IQCH: variants seen among roughly 807,000 people sequenced by gnomAD.
The protein encoded by IQCH is IQ motif containing H.
A neutral mutation model predicts 117.0 loss-of-function variants in IQCH; 98 were observed. The observed-to-expected ratio is 0.84, with a 90% CI of 0.71 to 0.99. The LOEUF is 0.99. IQCH is among the 50% of genes least tolerant of loss of function. The pLI, the probability that IQCH is intolerant of heterozygous loss-of-function variation, is 0.00. For synonymous variants in IQCH, 412 were observed against 448.2 expected, an observed-to-expected ratio of 0.92 and a Z score of 1.02; for missense variants, 1,102 against 1,243.8, an observed-to-expected ratio of 0.89 and a Z score of 1.72.
In IQCH at chr15:67,336,977, A is replaced by G; in HGVS notation, c.390A>G (p.Ile130Met). Residue 130 changes from isoleucine (I) to methionine (M), a missense_variant and splice_region_variant, in exon 5 of 21, where the codon ATA becomes ATG. This residue lies in a region of IQCH where 452 missense variants were observed against 449.6 expected (regional missense o/e 1.01). Coordinates refer to ENST00000335894, the MANE Select transcript of IQCH (RefSeq NM_001031715.3). ...SSLPVFPRAK[I>M]KVSKLIKGSN... Reference sequence around the variant, plus strand: ...GAAACAAATTTTTTATTATCTAGATAAAGGTTTCGAAGTTAATCAAAGGGT... The same window carrying G: ...GAAACAAATTTTTTATTATCTAGATGAAGGTTTCGAAGTTAATCAAAGGGT... 1 of 1,613,348 alleles carries G rather than the reference A, an allele frequency of 6.2e-7. No homozygotes were observed. The highest frequency in any genetic ancestry group is 1.3e-5 in the African/African-American group (1 of 75,008).
rs563391343 is a variant in IQCH at position 67,365,033 on chromosome 15, C to T, written c.753+5148C>T. 2.6e-5 allele frequency among the ~76,000 whole-genome samples: 4 copies of T among 152,280 alleles called. No homozygotes were observed. The highest frequency in any genetic ancestry group is 4.1e-4 in the South Asian group (2 of 4,832). ...GTGGCTCACTGCAGCCTTGACCTGC[C>T]GGGGCTCAAGCAGTCCTCCCACCTC... is the stretch of plus-strand genomic sequence containing the variant. On this transcript the variant is annotated intron_variant, in intron 8 of 20. Coordinates refer to ENST00000335894, the MANE Select transcript of IQCH (RefSeq NM_001031715.3). The surrounding 1 kb of genome is among the most constrained non-coding windows in gnomAD (Gnocchi z 4.4).
chr15:67,423,138 A>G (rs12148151), intron 16 of IQCH, among the ~76,000 whole-genome samples: 23,493 of 152,176 alleles, frequency 0.15, 1,875 homozygotes, highest in East Asian at 0.21. Flanking sequence ...GAGGGAAAAG[A>G]ACAAACTGAA....
chr15:67,334,716 G>C (rs895344265), intron 4 of IQCH, among the ~76,000 whole-genome samples: 9 of 152,176 alleles, frequency 5.9e-5, no homozygotes, highest in Admixed American at 5.9e-4. Context: ...CTCCCTGAGC[G>C]ATTCTAATAT....
At chr15:67,343,517 C>T (rs1158918345) in intron 5 of IQCH, among the ~76,000 whole-genome samples, 1 of 152,204 alleles carries the variant, frequency 6.6e-6, no homozygotes, top group Non-Finnish European at 1.5e-5. Flanking sequence ...TACATTAATA[C>T]TAACCATTTT....
At chr15:67,294,028 A>G (rs1966839224) in intron 4 of IQCH, among the ~76,000 whole-genome samples, 1 of 152,202 alleles carries the variant, frequency 6.6e-6, no homozygotes. Context: ...ATGGTATAAT[A>G]GAGTTTTGGA....
chr15:67,362,146 A>AC (rs1481039610), intron 8 of IQCH, among the ~76,000 whole-genome samples: 4 of 33,570 alleles, frequency 1.2e-4, no homozygotes, highest in Non-Finnish European at 1.9e-4. Flanking sequence ...ATATACGCAC[A>AC]CACCACACAC....
intron 7 of IQCH, among the ~76,000 whole-genome samples, chr15:67,358,198 C>CTTTTTTTTTTTT (rs1190464651): frequency 1.8e-4 from 1 of 5,458 alleles, no homozygotes; most frequent in African/African-American, 5.7e-4. Context: ...TCATGAGGCA[C>CTTTTTTTTTTTT]TTTCTTTTCT....
intron 4 of IQCH, among the ~76,000 whole-genome samples, chr15:67,318,990 G>A (rs2140587520): frequency 6.6e-6 from 1 of 152,324 alleles, no homozygotes; most frequent in South Asian, 2.1e-4. Flanking sequence ...ACTTTGGGAG[G>A]CCGAGGCAGG....
Position 67,386,612 on chromosome 15 carries a change from C to T in IQCH, c.1456+1593C>T, listed in dbSNP as rs185893900. Reference sequence around the variant, plus strand: ...ATCCCCTATGGTTTTTCTTCTTATTCGGGGGAAACAAAGATAATCCAGTCA... The same window carrying T: ...ATCCCCTATGGTTTTTCTTCTTATTTGGGGGAAACAAAGATAATCCAGTCA... On this transcript the variant is annotated intron_variant, in intron 11 of 20. Transcript: ENST00000335894. The surrounding 1 kb of genome is among the most constrained non-coding windows in gnomAD (Gnocchi z 5.0). Among the ~76,000 whole-genome samples the T allele has an allele frequency of 2.6e-5, 4 of 151,772 alleles. No homozygotes were observed. Among genetic ancestry groups the T allele is most frequent in the Admixed American group, 6.6e-5 (1 of 15,236 alleles).
chr15:67,297,613 T>G lies in IQCH; in HGVS notation c.387+18101T>G, dbSNP rs1966861920. Among the ~76,000 whole-genome samples the G allele has an allele frequency of 2.0e-5, 3 of 152,122 alleles. No individual in the cohort carries two copies. The South Asian group carries it at 6.2e-4, about 31-fold the overall frequency. On this transcript the variant is annotated intron_variant, in intron 4 of 20. Coordinates refer to ENST00000335894, the MANE Select transcript of IQCH (RefSeq NM_001031715.3). ...CATCATGCCGAAAACTTAACAACAA[T>G]TCACTAATATTGTATAATTCCCAGT...
At position 67,400,240 on chromosome 15, in the gene IQCH, T is replaced by TACAA. The variant is rs754080775; in HGVS notation, c.2034_2037dup (p.Trp680GlnfsTer8). The TACAA allele has an allele frequency of 1.2e-6, 2 of 1,613,572 alleles. No individual in the cohort carries two copies. The highest frequency in any genetic ancestry group is 2.7e-5 in the African/African-American group (2 of 74,878). On this transcript the variant is annotated frameshift_variant, in exon 14 of 21. Transcript: ENST00000335894. LOFTEE classifies it high-confidence loss of function. ...TGATATTCCTTCCTACCTAAAGTGC[T>TACAA]ACAAATGGGTGCTAAAGGAGAGTAG...
At chr15:67,345,195 T>C (rs544556149) in intron 6 of IQCH, among the ~76,000 whole-genome samples, 96 of 152,300 alleles carry the variant, frequency 6.3e-4, no homozygotes, top group African/African-American at 2.1e-3. Flanking sequence ...TTCACCGTGT[T>C]GGCCAGGCTG....
intron 3 of IQCH, among the ~76,000 whole-genome samples, chr15:67,278,782 T>C (rs1230112891): frequency 6.6e-6 from 1 of 152,196 alleles, no homozygotes; most frequent in African/African-American, 2.4e-5. Flanking sequence ...TTAGTCCTAA[T>C]TATATTGATA....
At chr15:67,367,369 T>G (rs1970370047) in intron 8 of IQCH, among the ~76,000 whole-genome samples, 1 of 151,900 alleles carries the variant, frequency 6.6e-6, no homozygotes, top group Non-Finnish European at 1.5e-5. Flanking sequence ...GACCCTTATC[T>G]CTACAAAAAA....
intron 5 of IQCH, among the ~76,000 whole-genome samples, chr15:67,340,145 T>C (rs1170455271): frequency 1.3e-5 from 2 of 151,972 alleles, no homozygotes; most frequent in Admixed American, 1.3e-4. Flanking sequence ...AAGTGACTCG[T>C]CGGCCAGCAC....
At chr15:67,265,748 C>T (rs563038772) in intron 3 of IQCH, among the ~76,000 whole-genome samples, 1 of 152,316 alleles carries the variant, frequency 6.6e-6, no homozygotes, top group South Asian at 2.1e-4. Context: ...TGGTTCTGCA[C>T]TTGCCCCAAG....
chr15:67,352,742 A>G (rs1368650746), intron 6 of IQCH, among the ~76,000 whole-genome samples: 2 of 152,006 alleles, frequency 1.3e-5, no homozygotes, highest in Admixed American at 6.6e-5. Context: ...TTTGTGTTCT[A>G]CAGGTTCATT....
At chr15:67,374,929 C>G (rs1307199764) in intron 10 of IQCH, among the ~76,000 whole-genome samples, 2 of 152,152 alleles carry the variant, frequency 1.3e-5, no homozygotes, top group Non-Finnish European at 2.9e-5. Context: ...TTTGCTTTCT[C>G]TATACAGGGC....
intron 20 of IQCH, among the ~76,000 whole-genome samples, chr15:67,499,617 A>G (rs2083924813): frequency 6.6e-6 from 1 of 152,184 alleles, no homozygotes; most frequent in Non-Finnish European, 1.5e-5. Context: ...GTCTAAGTAT[A>G]TTGAAAACAT....
Sources: allele counts gnomAD v4.1 joint callset (sites outside exome capture counted in the v4.1 genomes callset), GRCh38; gene constraint gnomAD v4.1.1; regional missense constraint gnomAD v4.1.1; non-coding constraint Gnocchi (gnomAD v3.1); transcripts MANE v1.5; gene names NCBI Gene and HGNC (gene_info 2026-07-23, HGNC 2026-07-21).